MAPK10: variants seen among roughly 807,000 people sequenced by gnomAD.
The protein encoded by MAPK10 is JNK3 alpha protein kinase.
MAPK10 carries 25 observed loss-of-function variants against 59.3 expected under a neutral mutation model. The observed-to-expected ratio is 0.42, with a 90% CI of 0.31 to 0.59. The LOEUF (loss-of-function observed/expected upper bound fraction) is 0.59, where lower values mean the gene tolerates loss of function less well. MAPK10 is among the 20% of genes least tolerant of loss of function. The pLI is 0.15. For missense variants in MAPK10, 351 were observed against 568.9 expected (o/e 0.62, Z 3.90); for synonymous variants, 190 against 200.5 (o/e 0.95, Z 0.44).
intron 3 of MAPK10, among the ~76,000 whole-genome samples, chr4:86,169,763 C>A (rs1410022563): frequency 6.6e-6 from 1 of 151,924 alleles, no homozygotes; most frequent in Non-Finnish European, 1.5e-5. Flanking sequence ...ACATAATTGT[C>A]AGATTCACCA....
chr4:86,265,635 A>G (rs1411214065), intron 2 of MAPK10, among the ~76,000 whole-genome samples: 1 of 151,122 alleles, frequency 6.6e-6, no homozygotes, highest in African/African-American at 2.5e-5. Flanking sequence ...TGAAAGAGAA[A>G]GGAAAGGGTT....
At chr4:86,467,727 C>T (rs1268260735) in intron 1 of MAPK10, among the ~76,000 whole-genome samples, 7 of 152,176 alleles carry the variant, frequency 4.6e-5, no homozygotes, top group South Asian at 2.1e-4. Flanking sequence ...ACCACGTTGG[C>T]CAGGATGGTC....
intron 1 of MAPK10, among the ~76,000 whole-genome samples, chr4:86,389,034 A>C (rs1372987419): frequency 6.6e-6 from 1 of 152,210 alleles, no homozygotes; most frequent in African/African-American, 2.4e-5. Context: ...TCTCATGTCG[A>C]ATGATAATCC....
chr4:86,279,177 C>T (rs1307739229), intron 2 of MAPK10, among the ~76,000 whole-genome samples: 1 of 152,078 alleles, frequency 6.6e-6, no homozygotes, highest in Admixed American at 6.6e-5. Context: ...TTTGAAAGTA[C>T]ATAAATTTAT....
At chr4:86,494,470 A>C (rs2149076473) in intron 1 of MAPK10, among the ~76,000 whole-genome samples, 1 of 152,316 alleles carries the variant, frequency 6.6e-6, no homozygotes, top group South Asian at 2.1e-4. Flanking sequence ...CTGTATGAGA[A>C]GACTTAAAAC....
chr4:86,380,406 T>C (rs1740517757), intron 1 of MAPK10, among the ~76,000 whole-genome samples: 1 of 152,130 alleles, frequency 6.6e-6, no homozygotes, highest in Admixed American at 6.5e-5. Context: ...TGACTTTGCT[T>C]GGAGTAATTA....
Position 86,147,882 on chromosome 4 carries a change from A to G in MAPK10, c.236+11416T>C, listed in dbSNP as rs74344364. Among the ~76,000 whole-genome samples the G allele has an allele frequency of 1.4e-3, 209 of 152,332 alleles. 6 individuals carry two copies. In the East Asian group the frequency reaches 0.031, roughly 23 times the overall value. On this transcript the variant is annotated intron_variant, in intron 4 of 13. Coordinates refer to ENST00000641462, the MANE Select transcript of MAPK10 (RefSeq NM_138982.4). Reference sequence around the variant, plus strand: ...TTGCATACAACAGTATCTAATTCCTACAGGTGATGCTAGCCTCCGTTATTA... The same window carrying G: ...TTGCATACAACAGTATCTAATTCCTGCAGGTGATGCTAGCCTCCGTTATTA...
At chr4:86,304,233 C>T (rs534682197) in intron 2 of MAPK10, among the ~76,000 whole-genome samples, 1 of 152,176 alleles carries the variant, frequency 6.6e-6, no homozygotes, top group South Asian at 2.1e-4. Flanking sequence ...ACGTGCCATG[C>T]AAGAGTATAG....
At chr4:86,591,580 C>T (rs1353183449) in intron 1 of MAPK10, among the ~76,000 whole-genome samples, 1 of 152,000 alleles carries the variant, frequency 6.6e-6, no homozygotes, top group Admixed American at 6.6e-5. Context: ...CACCATGTTG[C>T]CCAGACTGGT....
Position 86,011,510 on chromosome 4 carries a change from A to C in MAPK10, c.*5718T>G, listed in dbSNP as rs1741429692. 6.6e-6 allele frequency: 1 copy of C among 152,148 alleles called. No homozygotes were observed. The highest frequency in any genetic ancestry group is 1.5e-5 in the Non-Finnish European group (1 of 68,024). The allele number at this position is 152,148 out of a possible 1,614,324, so 9.4% of individuals were successfully genotyped here. On this transcript the variant is annotated 3_prime_UTR_variant, in exon 14 of 14. Transcript: ENST00000641462. Reference sequence around the variant, plus strand: ...AAGTCCAACACCCTTTTTTCTCCTTACTGTGAACTTGGTCAAAATTACCAA... The same window carrying C: ...AAGTCCAACACCCTTTTTTCTCCTTCCTGTGAACTTGGTCAAAATTACCAA...
chr4:86,132,588 G>A (rs933681448), intron 4 of MAPK10, among the ~76,000 whole-genome samples: 2 of 152,096 alleles, frequency 1.3e-5, no homozygotes, highest in African/African-American at 4.8e-5. Context: ...GTCCCCAACC[G>A]GGCCACACAG....
intron 8 of MAPK10, 52 bp from the exon 9 acceptor site, chr4:86,098,647 C>T (rs2054693360): frequency 7.4e-7 from 1 of 1,349,596 alleles, no homozygotes; most frequent in African/African-American, 1.4e-5. Context: ...GTAAAGTTAA[C>T]TAAGATAATT....
At chr4:86,357,514 T>G (rs1346076393) in intron 1 of MAPK10, 1 of 152,190 alleles carries the variant, frequency 6.6e-6, no homozygotes, top group Non-Finnish European at 1.5e-5. Flanking sequence ...TCTTATTAAT[T>G]TTCCTATAAA....
intron 1 of MAPK10, among the ~76,000 whole-genome samples, chr4:86,490,949 A>G (rs930286449): frequency 1.3e-5 from 2 of 152,218 alleles, no homozygotes; most frequent in Non-Finnish European, 2.9e-5. Flanking sequence ...CTGGGGAAAA[A>G]AGGATGAGTA....
At chr4:86,215,468 G>A (rs80167069) in intron 2 of MAPK10, among the ~76,000 whole-genome samples, 4,601 of 152,276 alleles carry the variant, frequency 0.03, 94 homozygotes, top group South Asian at 0.041. Context: ...GAGTGAAAAG[G>A]CAACCTGTGG....
At chr4:86,265,110 C>T (rs1252573501) in intron 2 of MAPK10, among the ~76,000 whole-genome samples, 1 of 151,858 alleles carries the variant, frequency 6.6e-6, no homozygotes, top group African/African-American at 2.4e-5. Context: ...AGGATGGTCT[C>T]GATCTCTTGA....
At chr4:86,354,985 A>G (rs1228123472) in intron 1 of MAPK10, among the ~76,000 whole-genome samples, 6 of 152,172 alleles carry the variant, frequency 3.9e-5, no homozygotes, top group African/African-American at 1.4e-4. Flanking sequence ...ACATAGATTT[A>G]CATATTCTGC....
At chr4:86,309,351 C>T (rs757076322) in intron 2 of MAPK10, among the ~76,000 whole-genome samples, 9 of 152,094 alleles carry the variant, frequency 5.9e-5, no homozygotes, top group Non-Finnish European at 1.2e-4. Flanking sequence ...AGATGAACTC[C>T]GGCATGCAGA....
At chr4:86,369,144 G>T (rs1738367513) in intron 1 of MAPK10, among the ~76,000 whole-genome samples, 1 of 152,156 alleles carries the variant, frequency 6.6e-6, no homozygotes, top group Non-Finnish European at 1.5e-5. Flanking sequence ...CCACTCTGCG[G>T]CAATTCCTGC....
Sources: gnomAD v4.1 joint callset for allele counts (sites outside exome capture counted in the v4.1 genomes callset) on GRCh38, gnomAD v4.1.1 for gene constraint, MANE v1.5 for transcripts, NCBI Gene and HGNC (gene_info 2026-07-23, HGNC 2026-07-21) for gene names.